PTPRD: variants seen among roughly 807,000 people sequenced by gnomAD.
PTPRD encodes the protein protein tyrosine phosphatase receptor type D.
PTPRD carries 34 observed loss-of-function variants against 214.5 expected under a neutral mutation model. The ratio of observed to expected loss-of-function variants is 0.16; its 90% confidence interval spans 0.12 to 0.21. The LOEUF (loss-of-function observed/expected upper bound fraction) is 0.21, where lower values mean the gene tolerates loss of function less well. Among genes scored for constraint, PTPRD ranks in the 10% least tolerant of loss-of-function variants. PTPRD has a pLI of 1.00. For missense variants in PTPRD, 2,545 were observed against 2,398.7 expected (o/e 1.06, Z -1.27); for synonymous variants, 1,128 against 845.7 (o/e 1.33, Z -5.79).
intron 9 of PTPRD, among the ~76,000 whole-genome samples, chr9:9,391,728 C>A (rs2140935263): frequency 6.6e-6 from 1 of 152,216 alleles, no homozygotes; most frequent in African/African-American, 2.4e-5. Flanking sequence ...AGTAGTAAAA[C>A]CAAACTCCCT....
At chr9:9,770,753 GA>G (rs2098745619) in intron 5 of PTPRD, among the ~76,000 whole-genome samples, 1 of 151,952 alleles carries the variant, frequency 6.6e-6, no homozygotes, top group Non-Finnish European at 1.5e-5. Context: ...AAAATCTGGA[GA>G]AAAAAATAAT....
rs777707392 is a variant in PTPRD at position 8,331,633 on chromosome 9, T to A, written c.5483A>T (p.His1828Leu). 3 of 1,613,966 alleles carry A rather than the reference T, an allele frequency of 1.9e-6. No homozygotes were observed. Among genetic ancestry groups the A allele is most frequent in the Admixed American group, 3.3e-5 (2 of 59,994 alleles). The part of the protein sequence containing the change: ...EGFIDFIGQV[H>L]KTKEQFGQDG... The stretch of plus-strand genomic sequence containing the variant: ...TTGGCCAAACTGTTCTTTTGTTTTA[T>A]GGACTTGGCCGATGAAGTCAATAAA... The change falls in exon 44 of 46, where the codon CAT becomes CTT. Residue 1828 changes from histidine (H) to leucine (L), a missense_variant. Physicochemically the swap from His to Leu is moderately conservative, Grantham distance 99. Coordinates refer to ENST00000381196, the MANE Select transcript of PTPRD (RefSeq NM_002839.4).
At chr9:10,093,084 A>T (rs1281007504) in intron 3 of PTPRD, among the ~76,000 whole-genome samples, 1 of 151,774 alleles carries the variant, frequency 6.6e-6, no homozygotes, top group Admixed American at 6.6e-5. Context: ...ATTGCAACAA[A>T]AACAAAAATT....
intron 11 of PTPRD, among the ~76,000 whole-genome samples, chr9:8,980,734 C>A (rs868113991): frequency 6.6e-6 from 1 of 152,060 alleles, no homozygotes; most frequent in Non-Finnish European, 1.5e-5. Flanking sequence ...AAATCCCTAC[C>A]TTGAATGATA....
At chr9:9,742,223 A>G (rs749291702) in intron 6 of PTPRD, among the ~76,000 whole-genome samples, 3 of 152,182 alleles carry the variant, frequency 2.0e-5, no homozygotes, top group Non-Finnish European at 2.9e-5. Context: ...GTCTGTTCAA[A>G]TTAAATTAGT....
chr9:9,498,350 C>T (rs1050767377), intron 8 of PTPRD, among the ~76,000 whole-genome samples: 3 of 152,090 alleles, frequency 2.0e-5, no homozygotes, highest in African/African-American at 7.2e-5. Flanking sequence ...AGAGCTGTAA[C>T]TTCTAAAGAT....
intron 5 of PTPRD, among the ~76,000 whole-genome samples, chr9:9,829,893 G>C (rs184372744): frequency 5.9e-5 from 9 of 151,566 alleles, no homozygotes; most frequent in Admixed American, 1.3e-4. Flanking sequence ...TAAAATTTTT[G>C]AGCCCCTACA....
intron 7 of PTPRD, among the ~76,000 whole-genome samples, chr9:9,671,116 G>A (rs780768336): frequency 1.3e-5 from 2 of 152,126 alleles, no homozygotes; most frequent in African/African-American, 2.4e-5. Context: ...ACCCTACAAA[G>A]CCACAGGAGT....
In PTPRD at chr9:8,501,074, G is replaced by A. The variant is rs2097394665; in HGVS notation, c.1823-15C>T. ...AGCTGACGGCTCTTATTTTGGTAGT[G>A]AGTTAAAGGAGGATTTAAGTGAAAG... On this transcript the variant is annotated splice_polypyrimidine_tract_variant and intron_variant, in intron 23 of 45. Transcript: ENST00000381196. 2 of 1,595,342 alleles carry A rather than the reference G, an allele frequency of 1.3e-6. No homozygotes were observed. Among genetic ancestry groups the A allele is most frequent in the Non-Finnish European group, 1.7e-6 (2 of 1,166,982 alleles).
At chr9:9,640,123 CA>C (rs781342395) in intron 7 of PTPRD, among the ~76,000 whole-genome samples, 1 of 152,152 alleles carries the variant, frequency 6.6e-6, no homozygotes. Context: ...AGACCTTGAT[CA>C]AACCTTGATT....
chr9:10,253,611 G>A lies in PTPRD; in HGVS notation c.-545+87352C>T, dbSNP rs75701711. On this transcript the variant is annotated intron_variant, in intron 3 of 45. Transcript: ENST00000381196. ...TCGCTCAGCTTTATTTATAAGGGCT[G>A]GAGGCTTTCAACTGTTTCAAGAAAA... Among the ~76,000 whole-genome samples, 1,353 of 152,288 alleles carry A rather than the reference G, an allele frequency of 8.9e-3. 21 individuals are homozygous for A. Among genetic ancestry groups the A allele is most frequent in the African/African-American group, 0.031 (1,271 of 41,540 alleles).
intron 10 of PTPRD, among the ~76,000 whole-genome samples, chr9:9,070,964 G>T (rs1308983488): frequency 6.6e-6 from 1 of 152,058 alleles, no homozygotes; most frequent in African/African-American, 2.4e-5. Context: ...AGTGCAGGCT[G>T]TAGTGCAGTG....
intron 11 of PTPRD, among the ~76,000 whole-genome samples, chr9:8,783,480 C>T (rs577872101): frequency 6.6e-6 from 1 of 152,136 alleles, no homozygotes; most frequent in African/African-American, 2.4e-5. Context: ...CCAAGTGATT[C>T]TATGGAGTAA....
intron 2 of PTPRD, among the ~76,000 whole-genome samples, chr9:10,464,891 T>A (rs2098983278): frequency 6.6e-6 from 1 of 152,230 alleles, no homozygotes; most frequent in South Asian, 2.1e-4. Context: ...TAAAATACTA[T>A]TTTAGAAATA....
chr9:9,007,457 A>G (rs547594583), intron 11 of PTPRD, among the ~76,000 whole-genome samples: 1 of 112,020 alleles, frequency 8.9e-6, no homozygotes, highest in East Asian at 2.4e-4. Context: ...AAGTCCCTGA[A>G]GAATTTTAAA....
At chr9:10,136,256 T>G (rs984151643) in intron 3 of PTPRD, among the ~76,000 whole-genome samples, 1 of 152,054 alleles carries the variant, frequency 6.6e-6, no homozygotes, top group African/African-American at 2.4e-5. Context: ...TGGACTGCAG[T>G]AAGATTTAGA....
chr9:9,042,197 G>A (rs1028075484), intron 10 of PTPRD, among the ~76,000 whole-genome samples: 1 of 152,164 alleles, frequency 6.6e-6, no homozygotes, highest in African/African-American at 2.4e-5. Context: ...TCTGCAACCA[G>A]AGCTTTAGGT....
chr9:9,175,635 A>G (rs12344481), intron 10 of PTPRD, among the ~76,000 whole-genome samples: 11 of 66,472 alleles, frequency 1.7e-4, no homozygotes, highest in African/African-American at 2.9e-4. Flanking sequence ...AAAAAAAAAA[A>G]AAAAAAAAAA....
At chr9:8,726,592 T>A (rs368948199) in intron 12 of PTPRD, among the ~76,000 whole-genome samples, 13,020 of 19,784 alleles carry the variant, frequency 0.66, 3,568 homozygotes, top group African/African-American at 0.72. Flanking sequence ...AAAAAAAATA[T>A]ATATATATAT....
Sources: allele counts gnomAD v4.1 joint callset (sites outside exome capture counted in the v4.1 genomes callset), GRCh38; gene constraint gnomAD v4.1.1; transcripts MANE v1.5; gene names NCBI Gene and HGNC (gene_info 2026-07-23, HGNC 2026-07-21).